NOP9: variants seen among roughly 807,000 people sequenced by gnomAD.
The protein encoded by NOP9 is NOP9 nucleolar protein, also known as nucleolar protein 9.
A neutral mutation model predicts 63.0 loss-of-function variants in NOP9; 50 were observed. The ratio of observed to expected loss-of-function variants is 0.79; its 90% CI spans 0.63 to 1.00. The LOEUF (loss-of-function observed/expected upper bound fraction) is 1.00. NOP9 is among the 50% of genes least tolerant of loss of function. The probability of loss-of-function intolerance (pLI) is 0.00; values close to 1 mark genes in which losing one functional copy is unlikely to be tolerated. For missense variants in NOP9, 758 were observed against 803.0 expected (o/e 0.94, Z 0.68); for synonymous variants, 343 against 332.8 (o/e 1.03, Z -0.33).
chr14:24,307,622 G>A lies in NOP9; in HGVS notation c.*2527G>A. 8.4e-7 allele frequency: 1 copy of A among 1,193,162 alleles called. No homozygotes were observed. Among genetic ancestry groups the A allele is most frequent in the East Asian group, 2.6e-5 (1 of 38,944 alleles). 73.9% of individuals were successfully genotyped at this position (1,193,162 alleles called of 1,614,324 possible). Reference sequence around the variant, plus strand: ...GAGGGCTAGGGAGGGAGAGATCTAGGTTTATCGATTAGGGATGAGGGAGAG... The same window carrying A: ...GAGGGCTAGGGAGGGAGAGATCTAGATTTATCGATTAGGGATGAGGGAGAG... On this transcript the variant is annotated 3_prime_UTR_variant, in exon 10 of 10. Transcript: ENST00000267425.
chr14:24,307,143 C>A lies in NOP9; in HGVS notation c.*2048C>A. ...CCATACTAGCTTCTGAATTCTGTCC[C>A]TCGAACTCTCCCTATCTCCTGCTAA... On this transcript the variant is annotated 3_prime_UTR_variant, in exon 10 of 10. Coordinates refer to ENST00000267425, the MANE Select transcript of NOP9 (RefSeq NM_174913.3). 1 of 423,268 alleles carries A rather than the reference C, an allele frequency of 2.4e-6. No individual in the cohort carries two copies. The highest frequency in any genetic ancestry group is 4.2e-6 in the Non-Finnish European group (1 of 237,536). The allele number at this position is 423,268 out of a possible 1,614,324, so 26.2% of individuals were successfully genotyped here.
At chr14:24,285,503 G>A in the NOP9 span, among the ~76,000 whole-genome samples, 2 of 152,264 alleles carry the variant, frequency 1.3e-5, no homozygotes, top group Admixed American at 6.5e-5. Context: ...TTTGCACGCA[G>A]CAAATCTCTT....
chr14:24,295,857 A>G (rs12896386), upstream of NOP9, among the ~76,000 whole-genome samples: 1 of 152,050 alleles, frequency 6.6e-6, no homozygotes, highest in African/African-American at 2.4e-5. Flanking sequence ...ATTTGCCGAT[A>G]ATCTCGTGGT....
upstream of NOP9, chr14:24,297,031 C>G: frequency 9.6e-7 from 1 of 1,038,636 alleles, no homozygotes; most frequent in South Asian, 1.5e-5. Context: ...ACGCTGCCCT[C>G]TGGTGTCTGT....
At chr14:24,281,207 G>C in the NOP9 span, among the ~76,000 whole-genome samples, 1 of 152,208 alleles carries the variant, frequency 6.6e-6, no homozygotes, top group Non-Finnish European at 1.5e-5. Context: ...CTGAGCGGGG[G>C]TTTTGAGGCT....
chr14:24,300,150 C>T lies in NOP9; in HGVS notation c.196C>T (p.Arg66Cys). The T allele has an allele frequency of 6.2e-7, 1 of 1,614,032 alleles. No homozygotes were observed. Among genetic ancestry groups the T allele is most frequent in the South Asian group, 1.1e-5 (1 of 91,084 alleles). ...HLSPEALGYF[R>C]RALSALKEAP... The stretch of plus-strand genomic sequence containing the variant: ...GAGCCCGGAAGCTCTGGGATATTTC[C>T]GCCGGGCGCTGTCAGCATTGAAAGA... Residue 66 changes from arginine (R) to cysteine (C), a missense_variant, in exon 1 of 10, where the codon CGC becomes TGC. Coordinates refer to ENST00000267425, the MANE Select transcript of NOP9 (RefSeq NM_174913.3).
At chr14:24,275,596 A>G in the NOP9 span, among the ~76,000 whole-genome samples, 22 of 152,228 alleles carry the variant, frequency 1.4e-4, no homozygotes, top group African/African-American at 4.8e-4. Context: ...GTCACTTACA[A>G]TGGCTCCAGG....
At chr14:24,297,888 A>G (rs951316179), upstream of NOP9, among the ~76,000 whole-genome samples, 2 of 152,048 alleles carry the variant, frequency 1.3e-5, no homozygotes, top group Non-Finnish European at 2.9e-5. Flanking sequence ...CGCTTTCCCA[A>G]ACCACTTTCC....
At chr14:24,298,987 A>G (rs1442538440), upstream of NOP9, 1 of 1,613,040 alleles carries the variant, frequency 6.2e-7, no homozygotes, top group Admixed American at 1.7e-5. Context: ...GGGTGTCCAG[A>G]TGGCGGCCAG....
rs894311602 is a variant in NOP9, at chr14:24,308,108, G to A, written c.*3013G>A. The A allele has an allele frequency of 1.8e-6, 1 of 559,582 alleles. No homozygotes were observed. The highest frequency in any genetic ancestry group is 3.2e-6 in the Non-Finnish European group (1 of 309,920). The allele number at this position is 559,582 out of a possible 1,614,324, so 34.7% of individuals were successfully genotyped here. On this transcript the variant is annotated 3_prime_UTR_variant, in exon 10 of 10. Coordinates refer to ENST00000267425, the MANE Select transcript of NOP9 (RefSeq NM_174913.3). ...TGGCAAAAGCCATTGGAGCTTGTAT[G>A]TGTGTCTTTGGTGATGACATGTGTT...
At chr14:24,273,410 T>A in the NOP9 span, among the ~76,000 whole-genome samples, 1 of 152,172 alleles carries the variant, frequency 6.6e-6, no homozygotes, top group African/African-American at 2.4e-5. Context: ...AACTCCTGAC[T>A]TCAGGTGATC....
At chr14:24,302,589 C>T (rs1008611965) in intron 5 of NOP9, among the ~76,000 whole-genome samples, 165 bp downstream of exon 5, 1 of 152,220 alleles carries the variant, frequency 6.6e-6, no homozygotes, top group African/African-American at 2.4e-5. Flanking sequence ...TGCCCACCTT[C>T]TAGTGAGGAT....
At chr14:24,271,540 C>T in the NOP9 span, 4 of 165,632 alleles carry the variant, frequency 2.4e-5, no homozygotes, top group African/African-American at 9.5e-5. Flanking sequence ...GCCACAGAGC[C>T]CAGGCGCTGG....
chr14:24,291,138 C>G, the NOP9 span: 6 of 1,614,136 alleles, frequency 3.7e-6, no homozygotes, highest in Middle Eastern at 1.6e-4. Flanking sequence ...AGGGTCCTCA[C>G]CGTCCACATC....
chr14:24,296,527 A>G (rs758282077), upstream of NOP9: 2 of 1,614,064 alleles, frequency 1.2e-6, no homozygotes, highest in South Asian at 2.2e-5. Flanking sequence ...GACGTTGTTG[A>G]TATCATCCCA....
chr14:24,308,136 G>A lies in NOP9; in HGVS notation c.*3041G>A. 1.9e-6 allele frequency: 1 copy of A among 513,542 alleles called. No individual in the cohort carries two copies. 31.8% of individuals were successfully genotyped at this position (513,542 alleles called of 1,614,324 possible). On this transcript the variant is annotated 3_prime_UTR_variant, in exon 10 of 10. Coordinates refer to ENST00000267425, the MANE Select transcript of NOP9 (RefSeq NM_174913.3). ...TGTCTTTGGTGATGACATGTGTTGT[G>A]AGGGTAGATGGGAACCATGTAAAAG...
At chr14:24,302,661 C>A (rs150294176) in intron 5 of NOP9, among the ~76,000 whole-genome samples, 4 of 152,328 alleles carry the variant, frequency 2.6e-5, no homozygotes, top group African/African-American at 7.2e-5. Flanking sequence ...AGGTTTACAG[C>A]TTGAGGTTCC....
the NOP9 span, among the ~76,000 whole-genome samples, chr14:24,276,825 T>C: frequency 3.9e-5 from 6 of 152,256 alleles, no homozygotes; most frequent in African/African-American, 1.4e-4. Flanking sequence ...AACTTGTCAC[T>C]GAGGCATAAT....
At chr14:24,298,955 ACCT>A, upstream of NOP9, 1 of 1,602,258 alleles carries the variant, frequency 6.2e-7, no homozygotes, top group Admixed American at 1.7e-5. Context: ...GGAAGCACTC[ACCT>A]CCTGAGCAAC....
Sources: gnomAD v4.1 joint callset for allele counts (sites outside exome capture counted in the v4.1 genomes callset) on GRCh38, gnomAD v4.1.1 for gene constraint, MANE v1.5 for transcripts, NCBI Gene and HGNC (gene_info 2026-07-23, HGNC 2026-07-21) for gene names.